The following PROM1 variants were observed in gnomAD, a reference collection of about 807,000 sequenced individuals.
PROM1 encodes prominin-1.
PROM1 carries 105 observed loss-of-function variants against 116.9 expected under a neutral mutation model. That is an observed-to-expected ratio of 0.90 (90% CI 0.77 to 1.06). The LOEUF (loss-of-function observed/expected upper bound fraction) is 1.06, where lower values mean the gene tolerates loss of function less well. Ranked by LOEUF, PROM1 falls within the 50% of genes least tolerant of loss-of-function variation. The pLI is 0.00. For synonymous variants in PROM1, 393 were observed against 387.0 expected (o/e 1.02, Z -0.18); for missense variants, 1,122 against 1,045.2 (o/e 1.07, Z -1.01).
intron 5 of PROM1, among the ~76,000 whole-genome samples, chr4:16,026,447 G>A (rs1297659470): frequency 2.0e-5 from 3 of 149,964 alleles, no homozygotes; most frequent in African/African-American, 7.5e-5. Context: ...ATCATCCAGT[G>A]GAAGATGTAG....
chr4:16,023,067 CTG>C lies in PROM1; in HGVS notation c.784+257_784+258del, dbSNP rs1317407323. On this transcript the variant is annotated intron_variant, in intron 8 of 27. Transcript: ENST00000447510. The stretch of plus-strand genomic sequence containing the variant: ...TGCGTATGGCTGTGTTCCGATAAAA[CTG>C]TGTTTAAAAAACAGGTGGTGGGCCC... Among the ~76,000 whole-genome samples, 3 of 147,420 alleles carry C rather than the reference CTG, an allele frequency of 2.0e-5. No individual in the cohort carries two copies. In the East Asian group the frequency reaches 6.1e-4, roughly 30 times the overall value.
At chr4:16,033,867 C>T (rs1199620900) in intron 4 of PROM1, among the ~76,000 whole-genome samples, 1 of 151,242 alleles carries the variant, frequency 6.6e-6, no homozygotes, top group Non-Finnish European at 1.5e-5. Flanking sequence ...ATTTTTTTAA[C>T]CTATCTGCCA....
At chr4:16,051,105 C>A (rs1399593343) in intron 2 of PROM1, among the ~76,000 whole-genome samples, 1 of 152,104 alleles carries the variant, frequency 6.6e-6, no homozygotes, top group South Asian at 2.1e-4. Context: ...ATGTGAGCTG[C>A]GTCTTAAAAG....
At chr4:16,018,585 C>T in intron 8 of PROM1, 45 bp from the exon 9 acceptor site, 1 of 1,524,924 alleles carries the variant, frequency 6.6e-7, no homozygotes, top group Non-Finnish European at 8.9e-7. Flanking sequence ...CCAAGTCCCT[C>T]CTCATCTACA....
At chr4:15,999,641 C>T (rs1436110171) in intron 14 of PROM1, among the ~76,000 whole-genome samples, 1 of 152,068 alleles carries the variant, frequency 6.6e-6, no homozygotes, top group East Asian at 1.9e-4. Context: ...ATAATGATGC[C>T]TGGCTTGATG....
At chr4:16,033,582 A>AT in intron 4 of PROM1, 73 bp from the exon 5 acceptor site, 1 of 556,024 alleles carries the variant, frequency 1.8e-6, no homozygotes, top group Admixed American at 5.4e-5. Context: ...TGGTGTACAA[A>AT]GTTCTTTTTT....
chr4:15,995,348 A>G (rs1194092948), intron 15 of PROM1, among the ~76,000 whole-genome samples: 4 of 149,560 alleles, frequency 2.7e-5, no homozygotes, highest in African/African-American at 7.3e-5. Context: ...GACGAAGAAG[A>G]AGAAGGAGGA....
chr4:15,998,731 T>C (rs1344861484), intron 14 of PROM1, among the ~76,000 whole-genome samples: 3 of 152,174 alleles, frequency 2.0e-5, no homozygotes. Flanking sequence ...ACTTTTTTTT[T>C]TTGAGACAGA....
chr4:16,044,975 A>G (rs1215297737), intron 2 of PROM1, among the ~76,000 whole-genome samples: 1 of 152,186 alleles, frequency 6.6e-6, no homozygotes, highest in African/African-American at 2.4e-5. Flanking sequence ...GCCCCAAGAA[A>G]AGTGTCCAGC....
chr4:16,052,772 G>A (rs1738190762), intron 2 of PROM1, among the ~76,000 whole-genome samples: 1 of 152,158 alleles, frequency 6.6e-6, no homozygotes, highest in Non-Finnish European at 1.5e-5. Context: ...TGAGCCACAG[G>A]GCCTGGCGGT....
At chr4:16,055,636 AG>A (rs1738821957) in intron 2 of PROM1, among the ~76,000 whole-genome samples, 1 of 152,224 alleles carries the variant, frequency 6.6e-6, no homozygotes, top group South Asian at 2.1e-4. Flanking sequence ...CTACATAGCT[AG>A]GCAGAGGCAT....
At chr4:15,970,172 T>TC (rs1265901142) in intron 27 of PROM1, among the ~76,000 whole-genome samples, 20 of 150,722 alleles carry the variant, frequency 1.3e-4, no homozygotes, top group African/African-American at 4.4e-4. Flanking sequence ...TCTTTTCTTT[T>TC]TTTTTTTTTT....
At chr4:16,066,007 T>A (rs1741446428) in intron 2 of PROM1, among the ~76,000 whole-genome samples, 1 of 152,174 alleles carries the variant, frequency 6.6e-6, no homozygotes, top group Non-Finnish European at 1.5e-5. Flanking sequence ...ATGAGAGTGA[T>A]CCTGGCCAGG....
At chr4:15,991,767 T>C (rs988343390) in intron 17 of PROM1, among the ~76,000 whole-genome samples, 2 of 151,406 alleles carry the variant, frequency 1.3e-5, no homozygotes, top group African/African-American at 4.9e-5. Flanking sequence ...ACCCCGTCTC[T>C]ACTAAAAATA....
chr4:16,040,965 C>T (rs1206429670), intron 2 of PROM1, among the ~76,000 whole-genome samples: 1 of 152,188 alleles, frequency 6.6e-6, no homozygotes, highest in Non-Finnish European at 1.5e-5. Context: ...ACTGCTTCTT[C>T]CATCCTCTCA....
At chr4:16,082,396 A>T (rs1560643543) in intron 1 of PROM1, 1 of 152,156 alleles carries the variant, frequency 6.6e-6, no homozygotes, top group East Asian at 1.9e-4. Flanking sequence ...CTTTCTTAAC[A>T]AAGAACAGCT....
At chr4:16,019,051 C>A (rs1212773398) in intron 8 of PROM1, among the ~76,000 whole-genome samples, 1 of 152,212 alleles carries the variant, frequency 6.6e-6, no homozygotes, top group African/African-American at 2.4e-5. Context: ...TGCTGTGTGA[C>A]TAAAAATAGG....
In PROM1 at chr4:15,976,053, C is replaced by T. The variant is rs570878193; in HGVS notation, c.2582+3342G>A. 1.3e-5 allele frequency: 5 copies of T among 383,778 alleles called. No homozygotes were observed. The East Asian group carries it at 2.2e-4, about 17-fold the overall frequency. 23.8% of individuals were successfully genotyped at this position (383,778 alleles called of 1,614,324 possible). On this transcript the variant is annotated intron_variant, in intron 26 of 27. Transcript: ENST00000447510. The stretch of plus-strand genomic sequence containing the variant: ...TTAGTATATCCCTAGCCCCAGGCTT[C>T]ACAGGTGTATGAAGTGCTAGGCCCT...
chr4:16,027,297 A>AACACACACAC (rs144910885), intron 5 of PROM1, among the ~76,000 whole-genome samples: 3,304 of 147,142 alleles, frequency 0.022, 80 homozygotes, highest in African/African-American at 0.057. Context: ...GTGAAGAAGA[A>AACACACACAC]ACACACACAC....
Sources: allele counts gnomAD v4.1 joint callset (sites outside exome capture counted in the v4.1 genomes callset), GRCh38; gene constraint gnomAD v4.1.1; transcripts MANE v1.5; gene names NCBI Gene and HGNC (gene_info 2026-07-23, HGNC 2026-07-21).